The following IGSF5 variants were observed in gnomAD, a reference collection of about 807,000 sequenced individuals.
The protein encoded by IGSF5 is immunoglobulin superfamily member 5.
IGSF5 carries 41 observed loss-of-function variants against 39.4 expected under a neutral mutation model. The ratio of observed to expected loss-of-function variants is 1.04; its 90% CI spans 0.81 to 1.35. The LOEUF is 1.35. Among genes scored for constraint, IGSF5 ranks in the 40% most tolerant of loss-of-function variants. The probability of loss-of-function intolerance (pLI) is 0.00; values close to 1 mark genes in which losing one functional copy is unlikely to be tolerated. For synonymous variants in IGSF5, 183 were observed against 175.3 expected, an observed-to-expected ratio of 1.04 and a Z score of -0.34; for missense variants, 487 against 494.6, an observed-to-expected ratio of 0.98 and a Z score of 0.15.
intron 6 of IGSF5, among the ~76,000 whole-genome samples, chr21:39,789,728 A>C (rs945022973): frequency 1.3e-5 from 2 of 152,210 alleles, no homozygotes; most frequent in Non-Finnish European, 2.9e-5. Flanking sequence ...TATAGTTCCA[A>C]AGTAATTATT....
At chr21:39,729,266 A>G in the IGSF5 span, 1 of 152,208 alleles carries the variant, frequency 6.6e-6, no homozygotes, top group Non-Finnish European at 1.5e-5. Context: ...AAAGGTGAGA[A>G]AAGCGAAAGA....
chr21:39,737,271 G>A, the IGSF5 span, among the ~76,000 whole-genome samples: 2 of 152,000 alleles, frequency 1.3e-5, no homozygotes, highest in Admixed American at 6.6e-5. Context: ...TCTGGGTGGG[G>A]TTGGGGTTCT....
chr21:39,731,879 T>C, the IGSF5 span, among the ~76,000 whole-genome samples: 7 of 152,178 alleles, frequency 4.6e-5, no homozygotes, highest in African/African-American at 1.7e-4. Flanking sequence ...TTGTAATAGT[T>C]TGTTATTTGC....
chr21:39,764,779 G>A (rs922092991), intron 2 of IGSF5, among the ~76,000 whole-genome samples: 1 of 152,240 alleles, frequency 6.6e-6, no homozygotes, highest in African/African-American at 2.4e-5. Flanking sequence ...ACATGTTGCA[G>A]TGTCACTGAT....
the IGSF5 span, among the ~76,000 whole-genome samples, chr21:39,725,238 C>T: frequency 2.0e-5 from 3 of 152,284 alleles, no homozygotes; most frequent in Middle Eastern, 3.4e-3. Context: ...TGTAGGAGTG[C>T]CAAGATGTTT....
rs886742373 is a variant in IGSF5 at position 39,792,098 on chromosome 21, A to G, written c.1047A>G (p.Thr349=). Residue 349 remains threonine, a splice_region_variant and synonymous_variant, in exon 7 of 9, where the codon ACA becomes ACG. Transcript: ENST00000380588. ...SGYNSDEQKT[T]DTASLPPKSC... is the part of the protein sequence containing the mutation. ...ACAATTCAGATGAACAAAAGACCAC[A>G]GGTGAGTAGACAAGAGGGGTGGTGA... 2 of 1,601,248 alleles carry G rather than the reference A, an allele frequency of 1.2e-6. No individual in the cohort carries two copies. Among genetic ancestry groups the G allele is most frequent in the Non-Finnish European group, 1.7e-6 (2 of 1,171,112 alleles).
At chr21:39,743,577 C>T (rs78697397), upstream of IGSF5, among the ~76,000 whole-genome samples, 2,955 of 109,382 alleles carry the variant, frequency 0.027, no homozygotes, top group Non-Finnish European at 0.028. Context: ...TTGTCTATCT[C>T]CTTTTGGACC....
chr21:39,720,412 A>G, the IGSF5 span, among the ~76,000 whole-genome samples: 1 of 152,208 alleles, frequency 6.6e-6, no homozygotes, highest in Non-Finnish European at 1.5e-5. Context: ...TTTATGGCCC[A>G]GGGGTTGGGG....
At chr21:39,743,591 T>C (rs187141964), upstream of IGSF5, among the ~76,000 whole-genome samples, 611 of 144,720 alleles carry the variant, frequency 4.2e-3, 3 homozygotes, top group African/African-American at 0.015. Context: ...TTGGACCATT[T>C]GGGCTGAAGA....
intron 2 of IGSF5, among the ~76,000 whole-genome samples, chr21:39,756,475 G>A (rs377637782): frequency 6.6e-5 from 10 of 152,318 alleles, no homozygotes; most frequent in South Asian, 2.1e-4. Flanking sequence ...CTGGATGTGC[G>A]TTGTCAGCAC....
chr21:39,748,179 T>A (rs1181911605), intron 2 of IGSF5, among the ~76,000 whole-genome samples: 1 of 152,104 alleles, frequency 6.6e-6, no homozygotes, highest in African/African-American at 2.4e-5. Flanking sequence ...AGTCCAAGGT[T>A]AAGGTGCCAG....
the IGSF5 span, among the ~76,000 whole-genome samples, chr21:39,723,940 A>T: frequency 6.6e-6 from 1 of 152,120 alleles, no homozygotes; most frequent in Non-Finnish European, 1.5e-5. Flanking sequence ...TGAGGTCAGG[A>T]GTTCAAGACA....
At chr21:39,726,429 G>A in the IGSF5 span, among the ~76,000 whole-genome samples, 1 of 152,160 alleles carries the variant, frequency 6.6e-6, no homozygotes, top group Non-Finnish European at 1.5e-5. Flanking sequence ...GCAGGCCTCT[G>A]TCTCATGTCG....
chr21:39,738,651 G>C, the IGSF5 span, among the ~76,000 whole-genome samples: 2 of 152,130 alleles, frequency 1.3e-5, no homozygotes, highest in Admixed American at 1.3e-4. This position sits in a 1 kb window ranked among gnomAD's most constrained non-coding sequence, Gnocchi z 6.4. Flanking sequence ...ACTGCGGAGA[G>C]GTGACAAAGG....
the IGSF5 span, among the ~76,000 whole-genome samples, chr21:39,716,508 G>A: frequency 6.6e-6 from 1 of 151,780 alleles, no homozygotes; most frequent in African/African-American, 2.4e-5. Context: ...CACCCTCTCC[G>A]CTCAAGCAGA....
the IGSF5 span, among the ~76,000 whole-genome samples, chr21:39,722,823 C>T: frequency 6.6e-6 from 1 of 152,128 alleles, no homozygotes; most frequent in African/African-American, 2.4e-5. Flanking sequence ...ATACAAGCTT[C>T]CCCAAAGCAG....
intron 2 of IGSF5, among the ~76,000 whole-genome samples, chr21:39,752,896 A>G (rs191690166): frequency 3.5e-4 from 53 of 151,762 alleles, no homozygotes; most frequent in Admixed American, 3.2e-3. Flanking sequence ...GATTCTGGAT[A>G]CTAGTCCTTT....
At chr21:39,735,229 C>T in the IGSF5 span, among the ~76,000 whole-genome samples, 2,838 of 152,212 alleles carry the variant, frequency 0.019, 87 homozygotes, top group African/African-American at 0.065. Flanking sequence ...TGTGTCTGTA[C>T]GATGGTCTTA....
the IGSF5 span, chr21:39,722,626 T>C: frequency 6.6e-6 from 1 of 152,212 alleles, no homozygotes; most frequent in Non-Finnish European, 1.5e-5. Flanking sequence ...AGCTGGCCTA[T>C]CCTGTCTGAT....
Sources: gnomAD v4.1 joint callset for allele counts (sites outside exome capture counted in the v4.1 genomes callset) on GRCh38, gnomAD v4.1.1 for gene constraint, Gnocchi (gnomAD v3.1) non-coding constraint, MANE v1.5 for transcripts, NCBI Gene and HGNC (gene_info 2026-07-23, HGNC 2026-07-21) for gene names.